MIA2: variants seen among roughly 807,000 people sequenced by gnomAD.
MIA2 encodes the protein MIA SH3 domain ER export factor 2.
In MIA2, 127 loss-of-function variants were observed where a neutral mutation model predicts 167.8. That is an observed-to-expected ratio of 0.76 (90% CI 0.66 to 0.88). The LOEUF (loss-of-function observed/expected upper bound fraction) is 0.88, where lower values mean the gene tolerates loss of function less well. Among genes scored for constraint, MIA2 ranks in the 40% least tolerant of loss-of-function variants. The pLI is 0.00. For synonymous variants in MIA2, 552 were observed against 541.9 expected, an observed-to-expected ratio of 1.02 and a Z score of -0.26; for missense variants, 1,690 against 1,624.7, an observed-to-expected ratio of 1.04 and a Z score of -0.69.
At chr14:39,267,851 C>G (rs548606333) in intron 6 of MIA2, among the ~76,000 whole-genome samples, 28 of 152,282 alleles carry the variant, frequency 1.8e-4, no homozygotes, top group African/African-American at 6.5e-4. Flanking sequence ...AGCAGAGACA[C>G]GTGGTTCCTT....
intron 7 of MIA2, among the ~76,000 whole-genome samples, chr14:39,277,863 T>C (rs1307220462): frequency 1.4e-5 from 2 of 144,408 alleles, no homozygotes; most frequent in East Asian, 2.0e-4. Context: ...ATAGTGCGCC[T>C]ACAGCCTACA....
intron 18 of MIA2, 56 bp downstream of exon 18, chr14:39,308,643 T>C (rs183247848): frequency 7.5e-5 from 97 of 1,299,816 alleles, no homozygotes; most frequent in East Asian, 7.4e-4. Context: ...TTTAGAGATA[T>C]ATGTTACATA....
At chr14:39,380,619 G>C (rs142117670) in intron 23 of MIA2, among the ~76,000 whole-genome samples, 3,182 of 151,324 alleles carry the variant, frequency 0.021, 109 homozygotes, top group African/African-American at 0.072. Flanking sequence ...CTTGAACCCG[G>C]GAGGCGGAGG....
chr14:39,278,989 G>A (rs936348628), intron 7 of MIA2, among the ~76,000 whole-genome samples: 1 of 151,806 alleles, frequency 6.6e-6, no homozygotes, highest in African/African-American at 2.4e-5. Context: ...GGTGAAACCC[G>A]GTCTCTACTA....
At chr14:39,378,970 G>C (rs2075099395) in intron 23 of MIA2, among the ~76,000 whole-genome samples, 1 of 152,024 alleles carries the variant, frequency 6.6e-6, no homozygotes, top group African/African-American at 2.4e-5. Context: ...TTGTTTAAAA[G>C]GCAAAAATCT....
downstream of MIA2, among the ~76,000 whole-genome samples, chr14:39,355,647 G>C (rs1442214866): frequency 6.6e-6 from 1 of 152,132 alleles, no homozygotes; most frequent in Non-Finnish European, 1.5e-5. Flanking sequence ...CAAAGGGAAT[G>C]CTTCCAGTTT....
At chr14:39,326,795 A>T in intron 24 of MIA2, 69 bp from the exon 25 acceptor site, 4 of 1,375,148 alleles carry the variant, frequency 2.9e-6, no homozygotes, top group Non-Finnish European at 3.9e-6. Context: ...CACTGATTTT[A>T]TGTGTAAAAC....
At position 39,253,276 on chromosome 14, in the gene MIA2, A is replaced by G. The variant is rs191820685; in HGVS notation, c.1887+105A>G. The G allele has an allele frequency of 4.9e-6, 7 of 1,417,306 alleles. No homozygotes were observed. In the Admixed American group the frequency reaches 8.1e-5, roughly 16 times the overall value. The allele number at this position is 1,417,306 out of a possible 1,614,324, so 87.8% of individuals were successfully genotyped here. ...TGAATCCTCCCTGTTTAATGTTTAT[A>G]TAATGTTTCTCTTTCCATGACATCT... On this transcript the variant is annotated intron_variant, in intron 6 of 28. Transcript: ENST00000640607.
At chr14:39,312,199 C>G (rs1299595359) in intron 18 of MIA2, among the ~76,000 whole-genome samples, 1 of 152,160 alleles carries the variant, frequency 6.6e-6, no homozygotes, top group Non-Finnish European at 1.5e-5. Flanking sequence ...AATAGGCCCA[C>G]CCAAATTCAA....
intron 9 of MIA2, among the ~76,000 whole-genome samples, chr14:39,288,475 A>ATTTTTTTT (rs1247369150): frequency 5.9e-5 from 3 of 50,520 alleles, no homozygotes; most frequent in East Asian, 7.6e-4. Flanking sequence ...ATATATATAT[A>ATTTTTTTT]TTTTTTTTTT....
intron 21 of MIA2, among the ~76,000 whole-genome samples, chr14:39,317,312 C>G (rs2065657615): frequency 6.6e-6 from 1 of 152,136 alleles, no homozygotes; most frequent in Non-Finnish European, 1.5e-5. Context: ...CTGAGCTACC[C>G]ACAGGAGCAG....
chr14:39,248,025 A>C lies in MIA2; in HGVS notation c.1451A>C (p.Gln484Pro), dbSNP rs1296113279. ...GAAACAGAATTGCCATTTCCCAAAC[A>C]GATACTGGATCAAAATAATGTAATT... Reference protein sequence around the residue: ...PKETELPFPKQILDQNNVIEN... With the variant: ...PKETELPFPKPILDQNNVIEN... The change falls in exon 4 of 29, where the codon CAG becomes CCG. Residue 484 changes from glutamine to proline, a missense_variant. By Grantham distance (76) the Gln-to-Pro change is moderately conservative. Coordinates refer to ENST00000640607, the MANE Select transcript of MIA2 (RefSeq NM_001329214.4). The C allele has an allele frequency of 6.4e-7, 1 of 1,574,646 alleles. No individual in the cohort carries two copies. Among genetic ancestry groups the C allele is most frequent in the Non-Finnish European group, 8.6e-7 (1 of 1,169,090 alleles).
intron 25 of MIA2, among the ~76,000 whole-genome samples, chr14:39,331,156 A>C (rs955399203): frequency 4.6e-5 from 7 of 152,174 alleles, no homozygotes; most frequent in African/African-American, 1.7e-4. Flanking sequence ...TTGGGTGCAT[A>C]TATAATTAGG....
At chr14:39,277,686 A>ATG (rs201566183) in intron 7 of MIA2, among the ~76,000 whole-genome samples, 2 of 16,398 alleles carry the variant, frequency 1.2e-4, no homozygotes, top group East Asian at 3.9e-3. Flanking sequence ...ATATATATAT[A>ATG]TGTGTGTATA....
intron 18 of MIA2, among the ~76,000 whole-genome samples, chr14:39,309,574 C>G (rs2063876399): frequency 6.6e-6 from 1 of 152,132 alleles, no homozygotes; most frequent in African/African-American, 2.4e-5. Flanking sequence ...AATGTTACCT[C>G]AAAGAATCCT....
intron 23 of MIA2, among the ~76,000 whole-genome samples, chr14:39,383,826 T>A (rs889276274): frequency 2.0e-5 from 3 of 152,116 alleles, no homozygotes; most frequent in African/African-American, 4.8e-5. Context: ...AAGCCCTCAC[T>A]CTCTTCAAGT....
At chr14:39,273,440 C>G (rs919325415) in intron 6 of MIA2, among the ~76,000 whole-genome samples, 8 of 152,064 alleles carry the variant, frequency 5.3e-5, no homozygotes, top group Non-Finnish European at 1.0e-4. Context: ...GCCGTCTCGA[C>G]TTCCTGGGCA....
At chr14:39,316,585 A>T (rs1398009384) in intron 21 of MIA2, among the ~76,000 whole-genome samples, 5 of 152,162 alleles carry the variant, frequency 3.3e-5, no homozygotes, top group Admixed American at 6.5e-5. Context: ...CTTGGTAGGT[A>T]TTTCTTAGAC....
At position 39,359,536 on chromosome 14, in the gene MIA2, C is replaced by G. The variant is rs139522973; in HGVS notation, c.2248+10559C>G. ...ATGCTTTGCCCTTCTTTGGCTCACA[C>G]TCTGTGTGCTGCACCCAGTGTTCTG... On this transcript the variant is annotated intron_variant, in intron 23 of 23. Coordinates refer to the MIA2 transcript ENST00000341502. Among the ~76,000 whole-genome samples, 135 of 152,314 alleles carry G rather than the reference C, an allele frequency of 8.9e-4. 3 individuals are homozygous for G. The South Asian group carries it at 0.01, about 12-fold the overall frequency.
Sources: allele counts gnomAD v4.1 joint callset (sites outside exome capture counted in the v4.1 genomes callset), GRCh38; gene constraint gnomAD v4.1.1; transcripts MANE v1.5; gene names NCBI Gene and HGNC (gene_info 2026-07-23, HGNC 2026-07-21).